Variants in NEO1 observed in about 807,000 individuals in gnomAD.
NEO1 encodes the protein neogenin.
A neutral mutation model predicts 159.7 loss-of-function variants in NEO1; 63 were observed. The ratio of observed to expected loss-of-function variants is 0.39; its 90% CI spans 0.32 to 0.49. The LOEUF is 0.49. NEO1 is among the 20% of genes least tolerant of loss of function. The pLI is 0.85. For missense variants in NEO1, 1,615 were observed against 1,831.0 expected, an observed-to-expected ratio of 0.88 and a Z score of 2.15; for synonymous variants, 633 against 662.0, an observed-to-expected ratio of 0.96 and a Z score of 0.67.
chr15:73,249,942 A>G (rs2039989768), intron 11 of NEO1, among the ~76,000 whole-genome samples: 1 of 152,254 alleles, frequency 6.6e-6, no homozygotes, highest in Non-Finnish European at 1.5e-5. Flanking sequence ...GAGAAAGCAT[A>G]GAGCATAAAG....
intron 1 of NEO1, among the ~76,000 whole-genome samples, chr15:73,113,803 A>AT (rs2071138354): frequency 6.6e-6 from 1 of 151,742 alleles, no homozygotes; most frequent in African/African-American, 2.4e-5. Flanking sequence ...TTTAAAATGA[A>AT]ATATATATAT....
intron 5 of NEO1, among the ~76,000 whole-genome samples, chr15:73,143,921 A>G (rs965450547): frequency 1.3e-5 from 2 of 152,012 alleles, no homozygotes; most frequent in African/African-American, 2.4e-5. Context: ...GTCCTCTTCA[A>G]CTCCTACTAG....
At chr15:73,090,711 A>G (rs954520896) in intron 1 of NEO1, among the ~76,000 whole-genome samples, 1 of 152,232 alleles carries the variant, frequency 6.6e-6, no homozygotes, top group African/African-American at 2.4e-5. Context: ...TTTAAAAATT[A>G]TCACTATCAT....
At chr15:73,182,341 A>C (rs1330725291) in intron 7 of NEO1, among the ~76,000 whole-genome samples, 1 of 152,156 alleles carries the variant, frequency 6.6e-6, no homozygotes, top group African/African-American at 2.4e-5. Flanking sequence ...GGGCAGATCA[A>C]AGTGGAAGGA....
At chr15:73,176,725 C>T (rs1372496894) in intron 6 of NEO1, among the ~76,000 whole-genome samples, 168 bp downstream of exon 6, 3 of 151,818 alleles carry the variant, frequency 2.0e-5, no homozygotes, top group Non-Finnish European at 4.4e-5. Context: ...AAAGCTGAGC[C>T]CAGAAATACT....
At chr15:73,111,787 A>T (rs1339934463) in intron 1 of NEO1, among the ~76,000 whole-genome samples, 1 of 151,752 alleles carries the variant, frequency 6.6e-6, no homozygotes, top group Non-Finnish European at 1.5e-5. Flanking sequence ...CTCCTGGCTA[A>T]TTTTTGTCTT....
Position 73,168,398 on chromosome 15 carries a change from C to G in NEO1, c.1016-8005C>G, listed in dbSNP as rs181334692. On this transcript the variant is annotated intron_variant, in intron 5 of 28. Transcript: ENST00000261908. The stretch of plus-strand genomic sequence containing the variant: ...GGGGGGTGGGGGGGGGGGGTCTCAC[C>G]ATGTTGGCTAGGTTGGTCTCGAACT... Among the ~76,000 whole-genome samples the G allele has an allele frequency of 2.6e-3, 386 of 146,826 alleles. 3 individuals are homozygous for G. The highest frequency in any genetic ancestry group is 4.4e-3 in the Non-Finnish European group (293 of 66,764).
intron 1 of NEO1, among the ~76,000 whole-genome samples, chr15:73,098,274 A>G (rs771231476): frequency 2.8e-4 from 42 of 152,188 alleles, no homozygotes; most frequent in Non-Finnish European, 5.1e-4. Context: ...ACAGCTGGTC[A>G]ATTAGGTTTG....
At chr15:73,090,772 A>G (rs576247205) in intron 1 of NEO1, among the ~76,000 whole-genome samples, 12 of 152,300 alleles carry the variant, frequency 7.9e-5, no homozygotes, top group Non-Finnish European at 1.6e-4. Flanking sequence ...TCGTATCTTT[A>G]TGTACATAAT....
At chr15:73,148,008 T>G (rs1288049294) in intron 5 of NEO1, among the ~76,000 whole-genome samples, 1 of 152,102 alleles carries the variant, frequency 6.6e-6, no homozygotes, top group Non-Finnish European at 1.5e-5. Context: ...GAGACGGGTT[T>G]CACCATGTTG....
intron 12 of NEO1, among the ~76,000 whole-genome samples, chr15:73,254,262 C>CT (rs996390191): frequency 6.6e-6 from 1 of 151,888 alleles, no homozygotes. Context: ...TAGTTGTCCC[C>CT]TTTTTAAAGA....
At chr15:73,245,593 G>C (rs1265891103) in intron 9 of NEO1, among the ~76,000 whole-genome samples, 1 of 102,176 alleles carries the variant, frequency 9.8e-6, no homozygotes, top group South Asian at 3.0e-4. Flanking sequence ...TTTTTTTTTT[G>C]AGGCGGAGTC....
At chr15:73,073,885 G>A (rs1385854567) in intron 1 of NEO1, among the ~76,000 whole-genome samples, 2 of 152,094 alleles carry the variant, frequency 1.3e-5, no homozygotes, top group African/African-American at 4.8e-5. Flanking sequence ...CATCTGCCAG[G>A]CCTCAGTGAG....
At chr15:73,186,326 TAAAA>T (rs909145924) in intron 7 of NEO1, among the ~76,000 whole-genome samples, 3 of 149,444 alleles carry the variant, frequency 2.0e-5, no homozygotes, top group African/African-American at 7.4e-5. Flanking sequence ...TTTAAGTCCT[TAAAA>T]AAAAAGGCAA....
intron 7 of NEO1, among the ~76,000 whole-genome samples, chr15:73,229,311 T>G (rs1347406197): frequency 6.6e-6 from 1 of 152,116 alleles, no homozygotes; most frequent in Non-Finnish European, 1.5e-5. Context: ...AGTATTTTAA[T>G]TCTTTTTGAT....
chr15:73,211,695 C>T (rs546281013), intron 7 of NEO1, among the ~76,000 whole-genome samples: 1 of 152,130 alleles, frequency 6.6e-6, no homozygotes, highest in Non-Finnish European at 1.5e-5. Flanking sequence ...AGCCTAGCGA[C>T]AGAGCAAGAC....
chr15:73,085,969 T>C (rs1483772920), intron 1 of NEO1, among the ~76,000 whole-genome samples: 2 of 152,224 alleles, frequency 1.3e-5, no homozygotes, highest in African/African-American at 4.8e-5. Context: ...CCAGTTTTTT[T>C]CTTTTATGAA....
At chr15:73,235,136 C>T (rs1003064714) in intron 7 of NEO1, among the ~76,000 whole-genome samples, 5 of 152,126 alleles carry the variant, frequency 3.3e-5, no homozygotes, top group Admixed American at 2.0e-4. Context: ...TTTCACGTGG[C>T]GTATTTATTT....
At chr15:73,127,805 ACAG>A (rs1481624309) in intron 4 of NEO1, among the ~76,000 whole-genome samples, 1 of 152,234 alleles carries the variant, frequency 6.6e-6, no homozygotes, top group Non-Finnish European at 1.5e-5. Flanking sequence ...ACATTTTAAC[ACAG>A]CTTTAGCTTG....
Sources: allele counts gnomAD v4.1 joint callset (sites outside exome capture counted in the v4.1 genomes callset), GRCh38; gene constraint gnomAD v4.1.1; transcripts MANE v1.5; gene names NCBI Gene and HGNC (gene_info 2026-07-23, HGNC 2026-07-21).